FAM110B: variants seen among roughly 807,000 people sequenced by gnomAD.
FAM110B encodes the protein family with sequence similarity 110 member B, also known as protein FAM110B.
FAM110B carries 6 observed loss-of-function variants against 20.4 expected under a neutral mutation model. The observed-to-expected ratio is 0.29, with a 90% CI of 0.16 to 0.58. The LOEUF (loss-of-function observed/expected upper bound fraction) is 0.58. FAM110B is among the 20% of genes least tolerant of loss of function. The pLI is 0.90. For synonymous variants in FAM110B, 226 were observed against 214.1 expected (o/e 1.06, Z -0.49); for missense variants, 434 against 498.2 (o/e 0.87, Z 1.23).
Position 58,146,581 on chromosome 8 carries a change from G to A in FAM110B, c.351G>A (p.Lys117=). 1 of 1,614,024 alleles carries A rather than the reference G, an allele frequency of 6.2e-7. No individual in the cohort carries two copies. The highest frequency in any genetic ancestry group is 8.5e-7 in the Non-Finnish European group (1 of 1,179,942). ...GCGGCGTGCAGAGGGAGAACCTGAA[G>A]CTGGAGATCCTGAAGAACATCATCA... ...TESGVQRENL[K]LEILKNIINS... Residue 117 remains lysine, a synonymous_variant, in exon 4 of 4, where the codon AAG becomes AAA. Coordinates refer to ENST00000519262, the MANE Select transcript of FAM110B (RefSeq NM_001377989.1).
chr8:58,142,280 C>G (rs1803759316), intron 3 of FAM110B, among the ~76,000 whole-genome samples: 2 of 152,198 alleles, frequency 1.3e-5, no homozygotes, highest in African/African-American at 4.8e-5. Flanking sequence ...CCTGTTGCTA[C>G]TCAAAGGCAA....
chr8:58,022,563 T>C (rs1477565998), intron 1 of FAM110B, among the ~76,000 whole-genome samples: 1 of 152,204 alleles, frequency 6.6e-6, no homozygotes, highest in Non-Finnish European at 1.5e-5. Context: ...AAAAATTTAA[T>C]AATATAAAAC....
At chr8:58,007,404 T>C (rs998848869) in intron 1 of FAM110B, among the ~76,000 whole-genome samples, 1 of 152,208 alleles carries the variant, frequency 6.6e-6, no homozygotes, top group Non-Finnish European at 1.5e-5. Context: ...GGAACAAAGA[T>C]ACGTCTTTTT....
At chr8:58,098,803 T>C (rs1585884879) in intron 3 of FAM110B, 1 of 152,292 alleles carries the variant, frequency 6.6e-6, no homozygotes, top group South Asian at 2.1e-4. Flanking sequence ...CTCCTTGTAC[T>C]TCCCGGATGA....
At chr8:58,075,997 T>C (rs902078640) in intron 3 of FAM110B, among the ~76,000 whole-genome samples, 3 of 152,194 alleles carry the variant, frequency 2.0e-5, no homozygotes, top group African/African-American at 4.8e-5. Context: ...GGTTTTGCCC[T>C]GTTGCCCAGG....
chr8:58,032,827 G>T (rs978123976), intron 2 of FAM110B: 1 of 152,158 alleles, frequency 6.6e-6, no homozygotes, highest in African/African-American at 2.4e-5. Context: ...GGCAGGAGTG[G>T]TGAACTTCTC....
intron 1 of FAM110B, among the ~76,000 whole-genome samples, chr8:58,007,782 G>T (rs912812578): frequency 6.6e-6 from 1 of 152,068 alleles, no homozygotes; most frequent in Non-Finnish European, 1.5e-5. Context: ...AAATTTGTGT[G>T]GTTTATAAGC....
intron 1 of FAM110B, among the ~76,000 whole-genome samples, chr8:58,025,689 G>T (rs1251512208): frequency 6.6e-6 from 1 of 152,146 alleles, no homozygotes; most frequent in Non-Finnish European, 1.5e-5. Context: ...TAGGATGAGA[G>T]TATTACTAAA....
intron 3 of FAM110B, among the ~76,000 whole-genome samples, chr8:58,093,114 A>G (rs887477156): frequency 1.9e-4 from 29 of 151,708 alleles, no homozygotes; most frequent in African/African-American, 7.3e-5. Context: ...TTTTTTTGTA[A>G]ATTTGTTTAA....
At chr8:58,133,205 G>GTTTT (rs59489059) in intron 3 of FAM110B, among the ~76,000 whole-genome samples, 3 of 140,148 alleles carry the variant, frequency 2.1e-5, no homozygotes, top group African/African-American at 5.2e-5. Flanking sequence ...GCTCGATTTT[G>GTTTT]TTTTTTTTTT....
At chr8:58,132,621 T>C (rs1211187306) in intron 3 of FAM110B, among the ~76,000 whole-genome samples, 1 of 152,140 alleles carries the variant, frequency 6.6e-6, no homozygotes, top group Non-Finnish European at 1.5e-5. Context: ...TGACAGGTGC[T>C]GGGCAGGGCA....
At chr8:58,083,293 T>C (rs1470474409) in intron 3 of FAM110B, among the ~76,000 whole-genome samples, 1 of 152,010 alleles carries the variant, frequency 6.6e-6, no homozygotes, top group Non-Finnish European at 1.5e-5. Context: ...CAGAAGAAAC[T>C]GGGTTATTTA....
chr8:58,142,547 C>T (rs1023630825), intron 3 of FAM110B, among the ~76,000 whole-genome samples: 1 of 151,992 alleles, frequency 6.6e-6, no homozygotes, highest in Non-Finnish European at 1.5e-5. Flanking sequence ...TGTGCTCCCC[C>T]ACCCCGACCC....
chr8:58,083,652 G>T (rs1316526963), intron 3 of FAM110B, among the ~76,000 whole-genome samples: 2 of 152,170 alleles, frequency 1.3e-5, no homozygotes, highest in Non-Finnish European at 2.9e-5. Flanking sequence ...GGCCAATGAA[G>T]AATACAGAAT....
At chr8:57,999,396 G>T (rs2150561187) in intron 1 of FAM110B, among the ~76,000 whole-genome samples, 1 of 152,220 alleles carries the variant, frequency 6.6e-6, no homozygotes, top group South Asian at 2.1e-4. Context: ...TTTTTGAGTG[G>T]TTGTGTTGTA....
intron 3 of FAM110B, among the ~76,000 whole-genome samples, chr8:58,111,361 C>T (rs1475605099): frequency 1.3e-5 from 2 of 152,128 alleles, no homozygotes; most frequent in African/African-American, 4.8e-5. Context: ...TTTAAAATTT[C>T]ATTTTCTGTT....
chr8:58,035,532 C>T (rs1413523027), intron 2 of FAM110B, among the ~76,000 whole-genome samples: 1 of 152,168 alleles, frequency 6.6e-6, no homozygotes, highest in African/African-American at 2.4e-5. Flanking sequence ...CACTGTAAGT[C>T]ACCTTAGAAA....
intron 1 of FAM110B, among the ~76,000 whole-genome samples, chr8:58,020,057 T>C (rs1436730105): frequency 6.6e-6 from 1 of 152,164 alleles, no homozygotes; most frequent in East Asian, 1.9e-4. Flanking sequence ...TGTGTTTTTT[T>C]TCCTTCTACA....
At chr8:58,128,326 T>G (rs1369204400) in intron 3 of FAM110B, among the ~76,000 whole-genome samples, 2 of 152,158 alleles carry the variant, frequency 1.3e-5, no homozygotes, top group East Asian at 3.9e-4. Context: ...CACGGCCTCC[T>G]AGGGGTCTTA....
Sources: gnomAD v4.1 joint callset for allele counts (sites outside exome capture counted in the v4.1 genomes callset) on GRCh38, gnomAD v4.1.1 for gene constraint, MANE v1.5 for transcripts, NCBI Gene and HGNC (gene_info 2026-07-23, HGNC 2026-07-21) for gene names.